Variants in FRMD4A observed in about 807,000 individuals in gnomAD.
The protein encoded by FRMD4A is FERM domain containing 4A.
A neutral mutation model predicts 129.1 loss-of-function variants in FRMD4A; 29 were observed. The ratio of observed to expected loss-of-function variants is 0.22; its 90% CI spans 0.17 to 0.31. FRMD4A has a LOEUF of 0.31. Ranked by LOEUF, FRMD4A falls within the 10% of genes least tolerant of loss-of-function variation. The pLI, the probability that FRMD4A is intolerant of heterozygous loss-of-function variation, is 1.00. For missense variants in FRMD4A, 1,272 were observed against 1,375.8 expected (o/e 0.92, Z 1.19); for synonymous variants, 634 against 571.6 (o/e 1.11, Z -1.56).
At chr10:14,219,791 A>G (rs1006562008) in intron 2 of FRMD4A, among the ~76,000 whole-genome samples, 3 of 152,150 alleles carry the variant, frequency 2.0e-5, no homozygotes, top group African/African-American at 7.2e-5. Flanking sequence ...TAGGGAACAT[A>G]GTCTGCCGGC....
chr10:14,330,680 C>T lies in FRMD4A; in HGVS notation c.-165G>A, dbSNP rs1363049952. On this transcript the variant is annotated 5_prime_UTR_variant, in exon 1 of 25. Coordinates refer to ENST00000357447, the MANE Select transcript of FRMD4A (RefSeq NM_018027.5). ...ATCAGATATCTGGGAGTGAGACAGCCGAGTCTGACCATGAGGCACCAGGCA... is the reference window on the plus strand; with the variant it reads ...ATCAGATATCTGGGAGTGAGACAGCTGAGTCTGACCATGAGGCACCAGGCA... The T allele has an allele frequency of 7.5e-6, 3 of 398,288 alleles. No homozygotes were observed. Among genetic ancestry groups the T allele is most frequent in the African/African-American group, 4.1e-5 (2 of 48,570 alleles). The allele number at this position is 398,288 out of a possible 1,614,324, so 24.7% of individuals were successfully genotyped here. A position where few individuals can be genotyped will look rare whatever the true frequency, so the allele number is the denominator to read the frequency against.
intron 2 of FRMD4A, among the ~76,000 whole-genome samples, chr10:14,300,203 C>G (rs903818189): frequency 3.9e-5 from 6 of 152,096 alleles, no homozygotes; most frequent in African/African-American, 1.2e-4. Flanking sequence ...TCTCTCGAGT[C>G]CCCAGGTCTT....
chr10:14,190,181 A>T (rs911006613), intron 2 of FRMD4A, among the ~76,000 whole-genome samples: 4 of 152,218 alleles, frequency 2.6e-5, no homozygotes, highest in African/African-American at 9.6e-5. Context: ...ATGCAACAGT[A>T]TGCCCTCGCC....
intron 2 of FRMD4A, among the ~76,000 whole-genome samples, chr10:13,940,946 G>A (rs1395949522): frequency 6.6e-6 from 1 of 152,152 alleles, no homozygotes; most frequent in Non-Finnish European, 1.5e-5. Flanking sequence ...CTACTCTCTG[G>A]TGCTACTGAC....
chr10:13,910,875 C>A, intron 2 of FRMD4A, among the ~76,000 whole-genome samples: 1 of 123,094 alleles, frequency 8.1e-6, no homozygotes, highest in Non-Finnish European at 1.6e-5. Flanking sequence ...TGTTAAGCCT[C>A]TGGGAGTTTC....
chr10:13,712,513 C>CAA (rs1203098503), intron 12 of FRMD4A, among the ~76,000 whole-genome samples: 4 of 130,716 alleles, frequency 3.1e-5, no homozygotes, highest in African/African-American at 8.4e-5. Flanking sequence ...GACTCCATTT[C>CAA]AAAAAAAAAA....
In FRMD4A at chr10:13,657,006, G is replaced by A. The variant is rs1482374657; in HGVS notation, c.2583C>T (p.Tyr861=). The change falls in exon 22 of 25, where the codon TAC becomes TAT. Residue 861 remains tyrosine (Y), a synonymous_variant. Coordinates refer to ENST00000357447, the MANE Select transcript of FRMD4A (RefSeq NM_018027.5). ...ACGTCTTGAACTGAGCCTTGACGCT[G>A]TAGTGGCCCTCCTGGTCGCTCTCCA... ...RSLESDQEGH[Y]SVKAQFKTSN... 6.4e-7 allele frequency: 1 copy of A among 1,569,136 alleles called. No homozygotes were observed. Among genetic ancestry groups the A allele is most frequent in the Non-Finnish European group, 8.6e-7 (1 of 1,164,686 alleles).
chr10:13,674,861 G>A (rs1381760061), intron 16 of FRMD4A, 50 bp downstream of exon 16: 1 of 1,572,664 alleles, frequency 6.4e-7, no homozygotes, highest in African/African-American at 1.4e-5. Context: ...AAAGATCAGT[G>A]ACATCACAGA....
Position 13,873,270 on chromosome 10 carries a change from G to GAAAA in FRMD4A, c.46-14362_46-14359dup, listed in dbSNP as rs35088324. On this transcript the variant is annotated intron_variant, in intron 2 of 24. Coordinates refer to ENST00000357447, the MANE Select transcript of FRMD4A (RefSeq NM_018027.5). ...AAAGCCTAGAAAAAAAGATAAGGCT[G>GAAAA]AAAAAAAAAAAAGATAAGTTTGACT... Among the ~76,000 whole-genome samples the GAAAA allele has an allele frequency of 7.9e-3, 1,123 of 142,026 alleles. 20 individuals are homozygous for GAAAA. The highest frequency in any genetic ancestry group is 0.028 in the African/African-American group (1,050 of 38,066). The allele number at this position is 142,026 out of a possible 152,430, so 93.2% of individuals were successfully genotyped here. A position where few individuals can be genotyped will look rare whatever the true frequency, so the allele number is the denominator to read the frequency against.
chr10:13,844,564 T>G (rs1179858179), intron 3 of FRMD4A, among the ~76,000 whole-genome samples: 3 of 152,228 alleles, frequency 2.0e-5, no homozygotes, highest in African/African-American at 4.8e-5. Context: ...TCTTAAGATC[T>G]ATCGACAATT....
At chr10:14,079,373 G>A (rs1427686371) in intron 2 of FRMD4A, among the ~76,000 whole-genome samples, 1 of 152,136 alleles carries the variant, frequency 6.6e-6, no homozygotes, top group Non-Finnish European at 1.5e-5. Flanking sequence ...GGTGTCCTGG[G>A]CACTCAGAGA....
Position 14,150,127 on chromosome 10 carries a change from C to T in FRMD4A, c.45+179931G>A, listed in dbSNP as rs368498031. 5.9e-5 allele frequency among the ~76,000 whole-genome samples: 9 copies of T among 152,144 alleles called. No homozygotes were observed. The East Asian group carries it at 9.6e-4, about 16-fold the overall frequency. On this transcript the variant is annotated intron_variant, in intron 2 of 24. Coordinates refer to ENST00000357447, the MANE Select transcript of FRMD4A (RefSeq NM_018027.5). ...TCTCATGAGAACAGAAAGGGGAAAT[C>T]CATCCCCATGATCCAATCACCTCCC...
At chr10:14,128,039 T>TTCCTTC (rs1839001521) in intron 2 of FRMD4A, among the ~76,000 whole-genome samples, 1 of 95,050 alleles carries the variant, frequency 1.1e-5, no homozygotes, top group African/African-American at 4.2e-5. Flanking sequence ...TTCCTTCCTT[T>TTCCTTC]CTTTCCCTCT....
At chr10:13,666,421 T>C (rs1412374549) in intron 17 of FRMD4A, 96 bp from the exon 18 acceptor site, 28 of 796,664 alleles carry the variant, frequency 3.5e-5, no homozygotes, top group Non-Finnish European at 5.4e-5. Context: ...TCCAGTTCCA[T>C]GGGAGACACT....
In FRMD4A at chr10:13,731,042, A is replaced by ATT. The variant is rs1265150535; in HGVS notation, c.759+6800_759+6801dup. 3.4e-5 allele frequency among the ~76,000 whole-genome samples: 5 copies of ATT among 145,310 alleles called. No individual in the cohort carries two copies. In the South Asian group the frequency reaches 1.1e-3, roughly 32 times the overall value. ...GACTCCCTCTCAAAAAAAAAAAAAG[A>ATT]TTTTTTTTTTCTATTGTGACTTTTC... On this transcript the variant is annotated intron_variant, in intron 12 of 24. Transcript: ENST00000357447.
At chr10:13,822,080 T>A (rs1007314578) in intron 3 of FRMD4A, among the ~76,000 whole-genome samples, 2 of 152,144 alleles carry the variant, frequency 1.3e-5, no homozygotes, top group Non-Finnish European at 2.9e-5. Context: ...CACACACATA[T>A]GTACACACAT....
At chr10:14,328,372 G>C (rs144870314) in intron 2 of FRMD4A, among the ~76,000 whole-genome samples, 5 of 124,368 alleles carry the variant, frequency 4.0e-5, no homozygotes, top group Admixed American at 1.6e-4. Flanking sequence ...GTGTGGGTGG[G>C]GGGGGGGGGT....
In FRMD4A at chr10:14,330,156, C is replaced by CG; in HGVS notation, c.-55dup. On this transcript the variant is annotated 5_prime_UTR_variant, in exon 2 of 25. The change creates a premature stop within an existing upstream ORF in the 5' untranslated region. Coordinates refer to ENST00000357447, the MANE Select transcript of FRMD4A (RefSeq NM_018027.5). Reference sequence around the variant, plus strand: ...CTGCCGAGTCAGTCCTCCTGGGCCCCGGGTGGCTACAGAGCATCCAAAAGC... The same window carrying CG: ...CTGCCGAGTCAGTCCTCCTGGGCCCCGGGGTGGCTACAGAGCATCCAAAAGC... 6.5e-7 allele frequency: 1 copy of CG among 1,534,788 alleles called. No individual in the cohort carries two copies. The highest frequency in any genetic ancestry group is 8.8e-7 in the Non-Finnish European group (1 of 1,133,198).
At chr10:13,677,888 G>C (rs568285604) in intron 15 of FRMD4A, among the ~76,000 whole-genome samples, 8 of 152,136 alleles carry the variant, frequency 5.3e-5, no homozygotes, top group Non-Finnish European at 1.2e-4. Context: ...AGAGAAACTT[G>C]GGTCCAAGAA....
Sources: gnomAD v4.1 joint callset for allele counts (sites outside exome capture counted in the v4.1 genomes callset) on GRCh38, gnomAD v4.1.1 for gene constraint, MANE v1.5 for transcripts, NCBI Gene and HGNC (gene_info 2026-07-23, HGNC 2026-07-21) for gene names.